Variants in ZDHHC21 observed in about 807,000 individuals in gnomAD.
ZDHHC21 encodes zDHHC palmitoyltransferase 21.
Under a neutral mutation model 34.6 loss-of-function variants are expected in ZDHHC21, and 15 were observed. The observed-to-expected ratio is 0.43, with a 90% confidence interval of 0.29 to 0.67. The LOEUF is 0.67. Among genes scored for constraint, ZDHHC21 ranks in the 30% least tolerant of loss-of-function variants. The pLI, the probability that ZDHHC21 is intolerant of heterozygous loss-of-function variation, is 0.14. For synonymous variants in ZDHHC21, 142 were observed against 101.8 expected (o/e 1.40, Z -2.38); for missense variants, 344 against 327.7 (o/e 1.05, Z -0.38).
intron 4 of ZDHHC21, among the ~76,000 whole-genome samples, chr9:14,673,976 G>A (rs923261543): frequency 1.3e-5 from 2 of 151,948 alleles, no homozygotes; most frequent in Non-Finnish European, 2.9e-5. Context: ...GCACTTTGCA[G>A]TTAAAAATGG....
intron 7 of ZDHHC21, among the ~76,000 whole-genome samples, chr9:14,648,717 C>G (rs1477447410): frequency 6.6e-6 from 1 of 151,912 alleles, no homozygotes; most frequent in East Asian, 1.9e-4. Context: ...TGTTTTAGAG[C>G]CTAGACGAAG....
chr9:14,634,348 G>A (rs973659756), intron 8 of ZDHHC21, among the ~76,000 whole-genome samples: 6 of 152,098 alleles, frequency 3.9e-5, no homozygotes, highest in East Asian at 1.9e-4. Context: ...CCTGCCTGGC[G>A]CATTGCTGCC....
intron 8 of ZDHHC21, among the ~76,000 whole-genome samples, chr9:14,624,111 T>C (rs750287476): frequency 7.9e-5 from 12 of 151,972 alleles, no homozygotes; most frequent in Non-Finnish European, 1.6e-4. Context: ...AAAAAATAAA[T>C]AATAATATGA....
rs977774793 is a variant in ZDHHC21, at chr9:14,683,659, C to G, written c.-175-3497G>C. 3.3e-5 allele frequency: 5 copies of G among 152,156 alleles called. 1 individual carries two copies. The highest frequency in any genetic ancestry group is 9.7e-5 in the African/African-American group (4 of 41,408). The allele number at this position is 152,156 out of a possible 1,614,324, so 9.4% of individuals were successfully genotyped here. A position where few individuals can be genotyped will look rare whatever the true frequency, so the allele number is the denominator to read the frequency against. The stretch of plus-strand genomic sequence containing the variant: ...TGGTACCATTCCTTCTGAAGCTATT[C>G]CAATCAATAGAAAAAGAGGGAATCC... On this transcript the variant is annotated intron_variant, in intron 2 of 9. Transcript: ENST00000380916.
At chr9:14,600,636 T>C in the ZDHHC21 span, among the ~76,000 whole-genome samples, 1 of 151,996 alleles carries the variant, frequency 6.6e-6, no homozygotes, top group Non-Finnish European at 1.5e-5. Context: ...TTCACAGAAC[T>C]AGAAAATACT....
rs1408807031 is a variant in ZDHHC21, at chr9:14,672,877, A to G, written c.206T>C (p.Ile69Thr). 18 of 1,609,062 alleles carry G rather than the reference A, an allele frequency of 1.1e-5. No homozygotes were observed. Among genetic ancestry groups the G allele is most frequent in the Non-Finnish European group, 1.5e-5 (18 of 1,176,688 alleles). ...FCLVALVRAS[I>T]TDPGRLPENP... ...CTCAGGGAGTCTTCCTGGATCAGTT[A>G]TGGAGGCCCTCACTAAGGCAACCAG... Residue 69 changes from isoleucine to threonine, a missense_variant, in exon 5 of 10, where the codon ATA becomes ACA. By Grantham distance (89) the Ile-to-Thr change is moderately conservative. Transcript: ENST00000380916.
At chr9:14,589,472 T>G in the ZDHHC21 span, 2 of 152,124 alleles carry the variant, frequency 1.3e-5, no homozygotes, top group African/African-American at 4.8e-5. Flanking sequence ...GTAGTTTCAC[T>G]GAATTGAAGA....
chr9:14,619,243 T>A, intron 9 of ZDHHC21, 145 bp from the exon 10 acceptor site: 6 of 920,928 alleles, frequency 6.5e-6, no homozygotes, highest in Non-Finnish European at 9.2e-6. Context: ...TCTTTCATTA[T>A]GGCATGCAGC....
intron 7 of ZDHHC21, among the ~76,000 whole-genome samples, chr9:14,653,181 G>A (rs1319415828): frequency 6.6e-6 from 1 of 151,924 alleles, no homozygotes; most frequent in African/African-American, 2.4e-5. Flanking sequence ...TCCTGATACT[G>A]TCTTTATTCA....
downstream of ZDHHC21, among the ~76,000 whole-genome samples, chr9:14,609,770 A>T (rs1346119805): frequency 6.6e-6 from 1 of 152,024 alleles, no homozygotes; most frequent in Non-Finnish European, 1.5e-5. Context: ...ATTGTTTCTG[A>T]CTCCACATTG....
chr9:14,599,702 G>T, the ZDHHC21 span, among the ~76,000 whole-genome samples: 1 of 152,100 alleles, frequency 6.6e-6, no homozygotes, highest in East Asian at 1.9e-4. Flanking sequence ...AAGATCCACT[G>T]GCTTGAAATT....
intron 2 of ZDHHC21, among the ~76,000 whole-genome samples, chr9:14,687,401 T>C (rs1226757791): frequency 1.3e-5 from 2 of 150,844 alleles, no homozygotes; most frequent in Non-Finnish European, 2.9e-5. Context: ...CCGGGCATGG[T>C]GGCTCATGCC....
At chr9:14,683,238 G>A (rs1460963723) in intron 2 of ZDHHC21, among the ~76,000 whole-genome samples, 1 of 152,128 alleles carries the variant, frequency 6.6e-6, no homozygotes, top group Non-Finnish European at 1.5e-5. Flanking sequence ...AAAAATCAAT[G>A]AATCCAGGAG....
rs750800416 is a variant in ZDHHC21 at position 14,672,855 on chromosome 9, A to G, written c.228T>C (p.Pro76=). 2.1e-5 allele frequency: 34 copies of G among 1,608,972 alleles called. 1 individual carries two copies. The Middle Eastern group carries it at 9.9e-4, about 47-fold the overall frequency. ...RASITDPGRL[P]ENPKIPHGER... ...CTCCATGTGGGATCTTGGGGTTCTC[A>G]GGGAGTCTTCCTGGATCAGTTATGG... The change falls in exon 5 of 10, where the codon CCT becomes CCC. Residue 76 remains proline (P), a synonymous_variant. Coordinates refer to ENST00000380916, the MANE Select transcript of ZDHHC21 (RefSeq NM_178566.6).
intron 7 of ZDHHC21, among the ~76,000 whole-genome samples, chr9:14,646,055 C>G (rs1227118390): frequency 6.6e-6 from 1 of 152,118 alleles, no homozygotes; most frequent in African/African-American, 2.4e-5. Flanking sequence ...CGCTATACAT[C>G]TAAGTGAAAC....
chr9:14,599,295 G>A, the ZDHHC21 span, among the ~76,000 whole-genome samples: 3 of 152,268 alleles, frequency 2.0e-5, no homozygotes, highest in Non-Finnish European at 2.9e-5. Context: ...GCCCACAGAG[G>A]ATGAGCCAAA....
At chr9:14,659,260 T>C (rs750216423) in intron 6 of ZDHHC21, among the ~76,000 whole-genome samples, 39 of 152,092 alleles carry the variant, frequency 2.6e-4, no homozygotes, top group Non-Finnish European at 5.1e-4. Flanking sequence ...GAACCCTGCT[T>C]CCCTGTATTT....
chr9:14,634,738 A>T lies in ZDHHC21; in HGVS notation c.621+5158T>A, dbSNP rs555935280. 3.9e-5 allele frequency among the ~76,000 whole-genome samples: 6 copies of T among 152,238 alleles called. 1 individual carries two copies. In the East Asian group the frequency reaches 1.2e-3, roughly 29 times the overall value. On this transcript the variant is annotated intron_variant, in intron 8 of 9. Coordinates refer to ENST00000380916, the MANE Select transcript of ZDHHC21 (RefSeq NM_178566.6). ...GCAAATTCAAAAAATTGGAAAAAAC[A>T]TCTGTTACAACAGACGCATAGATAT...
chr9:14,668,649 C>T (rs979173100), intron 5 of ZDHHC21, among the ~76,000 whole-genome samples: 1 of 151,062 alleles, frequency 6.6e-6, no homozygotes, highest in African/African-American at 2.4e-5. Context: ...GGTACCAAAA[C>T]AGAGATATAG....
Sources: allele counts gnomAD v4.1 joint callset (sites outside exome capture counted in the v4.1 genomes callset), GRCh38; gene constraint gnomAD v4.1.1; transcripts MANE v1.5; gene names NCBI Gene and HGNC (gene_info 2026-07-23, HGNC 2026-07-21).